ST3GAL3: variants seen among roughly 807,000 people sequenced by gnomAD.
ST3GAL3 encodes CMP-N-acetylneuraminate-beta-1,4-galactoside alpha-2,3-sialyltransferase.
A neutral mutation model predicts 50.1 loss-of-function variants in ST3GAL3; 21 were observed. The observed-to-expected ratio is 0.42, with a 90% CI of 0.30 to 0.60. The LOEUF is 0.60. Ranked by LOEUF, ST3GAL3 falls within the 20% of genes least tolerant of loss-of-function variation. ST3GAL3 has a pLI of 0.19. For missense variants in ST3GAL3, 353 were observed against 489.4 expected, an observed-to-expected ratio of 0.72 and a Z score of 2.63; for synonymous variants, 183 against 190.0, an observed-to-expected ratio of 0.96 and a Z score of 0.30.
At chr1:43,803,518 A>G (rs1196576196) in intron 3 of ST3GAL3, among the ~76,000 whole-genome samples, 1 of 152,208 alleles carries the variant, frequency 6.6e-6, no homozygotes, top group African/African-American at 2.4e-5. Context: ...GTGGTTTATG[A>G]TGGTAGACCA....
intron 4 of ST3GAL3, among the ~76,000 whole-genome samples, chr1:43,832,658 C>T (rs1285029771): frequency 6.6e-6 from 1 of 152,054 alleles, no homozygotes; most frequent in Non-Finnish European, 1.5e-5. Context: ...TAAGGAGAAA[C>T]ATTTCCATCT....
intron 4 of ST3GAL3, among the ~76,000 whole-genome samples, chr1:43,826,971 T>C (rs1220707463): frequency 6.6e-6 from 1 of 152,184 alleles, no homozygotes; most frequent in Non-Finnish European, 1.5e-5. Flanking sequence ...AAAAAACCTA[T>C]AGCTAACATC....
intron 1 of ST3GAL3, among the ~76,000 whole-genome samples, chr1:43,726,396 C>T (rs920982760): frequency 2.6e-5 from 4 of 151,338 alleles, no homozygotes; most frequent in African/African-American, 9.7e-5. Flanking sequence ...AAGTAATCCT[C>T]CCTCCTCAGC....
At chr1:43,723,850 G>C (rs922014825) in intron 1 of ST3GAL3, among the ~76,000 whole-genome samples, 6 of 152,090 alleles carry the variant, frequency 3.9e-5, no homozygotes, top group African/African-American at 1.4e-4. Context: ...GACCTCAGGT[G>C]ATCTGCCCGC....
At chr1:43,827,544 C>G (rs1174952909) in intron 4 of ST3GAL3, among the ~76,000 whole-genome samples, 1 of 151,964 alleles carries the variant, frequency 6.6e-6, no homozygotes, top group Non-Finnish European at 1.5e-5. Flanking sequence ...ACAGGGTTGC[C>G]CAGGCTGGAG....
Position 43,930,160 on chromosome 1 carries a change from A to G in ST3GAL3, c.1067A>G (p.Lys356Arg), listed in dbSNP as rs2084827471. The G allele has an allele frequency of 1.2e-6, 2 of 1,614,082 alleles. No homozygotes were observed. Among genetic ancestry groups the G allele is most frequent in the South Asian group, 1.1e-5 (1 of 91,080 alleles). ...TGGACGCACAATATCCAGCGAGAGAAAGAGTTTCTGCGGAAGCTGGTGAAA... is the reference window on the plus strand; with the variant it reads ...TGGACGCACAATATCCAGCGAGAGAGAGAGTTTCTGCGGAAGCTGGTGAAA... ...ESWTHNIQRE[K>R]EFLRKLVKAR... Residue 356 changes from lysine (K) to arginine (R), a missense_variant, in exon 12 of 12, where the codon AAA becomes AGA. Lys to Arg is a conservative substitution (Grantham distance 26). Transcript: ENST00000347631.
intron 5 of ST3GAL3, chr1:43,878,921 C>T: frequency 9.4e-6 from 4 of 427,280 alleles, no homozygotes; most frequent in Non-Finnish European, 1.9e-5. Flanking sequence ...ATGGGCAGCT[C>T]CTGTTCACAT....
intron 5 of ST3GAL3, among the ~76,000 whole-genome samples, chr1:43,847,790 A>G (rs2154209705): frequency 6.6e-6 from 1 of 152,342 alleles, no homozygotes; most frequent in East Asian, 1.9e-4. Flanking sequence ...ATGTTAGTGT[A>G]TTTTACTACA....
chr1:43,804,816 G>T (rs1254717397), intron 3 of ST3GAL3, among the ~76,000 whole-genome samples: 1 of 152,150 alleles, frequency 6.6e-6, no homozygotes, highest in African/African-American at 2.4e-5. Context: ...GCAGGCGAGG[G>T]AGAAGGAGAG....
intron 9 of ST3GAL3, chr1:43,912,168 A>T (rs565393858): frequency 6.6e-6 from 1 of 152,196 alleles, no homozygotes; most frequent in African/African-American, 2.4e-5. Context: ...TTAAAAGCCA[A>T]AGTCTCATCA....
At chr1:43,863,120 A>T (rs1301815046) in intron 5 of ST3GAL3, among the ~76,000 whole-genome samples, 1 of 152,214 alleles carries the variant, frequency 6.6e-6, no homozygotes, top group Non-Finnish European at 1.5e-5. Context: ...TAAAAAACGC[A>T]GGCATGGTCC....
Position 43,761,426 on chromosome 1 carries a change from T to C in ST3GAL3, c.118+25046T>C, listed in dbSNP as rs970376783. Among the ~76,000 whole-genome samples, 17 of 152,210 alleles carry C rather than the reference T, an allele frequency of 1.1e-4. No individual in the cohort carries two copies. The East Asian group carries it at 3.3e-3, about 29-fold the overall frequency. ...TCGTGTAAAGAAATGTCTTTGTGTT[T>C]TATAATGTCCAGAAGGATGTATTTA... On this transcript the variant is annotated intron_variant, in intron 2 of 11. Transcript: ENST00000347631.
At chr1:43,864,249 G>C (rs1024945347) in intron 5 of ST3GAL3, among the ~76,000 whole-genome samples, 7 of 152,210 alleles carry the variant, frequency 4.6e-5, no homozygotes, top group African/African-American at 1.7e-4. Flanking sequence ...TTGCACTCCA[G>C]CCTGGGCAAC....
intron 5 of ST3GAL3, among the ~76,000 whole-genome samples, chr1:43,853,044 T>G (rs2067638812): frequency 6.6e-6 from 1 of 152,228 alleles, no homozygotes; most frequent in Non-Finnish European, 1.5e-5. Flanking sequence ...AAACCTAAAT[T>G]GACACATAAT....
At chr1:43,715,978 C>T (rs2154065052) in intron 1 of ST3GAL3, among the ~76,000 whole-genome samples, 1 of 152,220 alleles carries the variant, frequency 6.6e-6, no homozygotes, top group East Asian at 1.9e-4. Flanking sequence ...TCTTGGGGAC[C>T]CTTGAGGGTC....
chr1:43,890,213 T>A (rs992570661), intron 5 of ST3GAL3, among the ~76,000 whole-genome samples: 4 of 152,334 alleles, frequency 2.6e-5, no homozygotes, highest in East Asian at 1.9e-4. Flanking sequence ...CTTTTAGAAA[T>A]TAATGCTGAA....
intron 4 of ST3GAL3, among the ~76,000 whole-genome samples, chr1:43,822,078 G>T (rs1221669928): frequency 6.6e-6 from 1 of 152,212 alleles, no homozygotes; most frequent in Non-Finnish European, 1.5e-5. Flanking sequence ...GACAGTCAAA[G>T]TAGAATTCAT....
chr1:43,930,068 G>A (rs568435696), intron 11 of ST3GAL3, 64 bp from the exon 12 acceptor site: 52 of 1,427,884 alleles, frequency 3.6e-5, no homozygotes, highest in Non-Finnish European at 5.1e-5. Flanking sequence ...AAGGCACCGA[G>A]CCCTGGAAGG....
rs2084833168 is a variant in ST3GAL3 at position 43,930,186 on chromosome 1, G to A, written c.1093G>A (p.Ala365Thr). Residue 365 changes from alanine (A) to threonine (T), a missense_variant, in exon 12 of 12, where the codon GCT (alanine) becomes ACT (threonine). Ala to Thr is a moderately conservative substitution (Grantham distance 58). Coordinates refer to ENST00000347631, the MANE Select transcript of ST3GAL3 (RefSeq NM_006279.5). Reference sequence around the variant, plus strand: ...AGAGTTTCTGCGGAAGCTGGTGAAAGCTCGCGTCATCACTGATCTAAGCAG... The same window carrying A: ...AGAGTTTCTGCGGAAGCTGGTGAAAACTCGCGTCATCACTGATCTAAGCAG... Reference protein sequence around the residue: ...EKEFLRKLVKARVITDLSSGI With the variant: ...EKEFLRKLVKTRVITDLSSGI 1 of 1,614,062 alleles carries A rather than the reference G, an allele frequency of 6.2e-7. No individual in the cohort carries two copies. The highest frequency in any genetic ancestry group is 1.3e-5 in the African/African-American group (1 of 75,058).
Sources: gnomAD v4.1 joint callset for allele counts (sites outside exome capture counted in the v4.1 genomes callset) on GRCh38, gnomAD v4.1.1 for gene constraint, MANE v1.5 for transcripts, NCBI Gene and HGNC (gene_info 2026-07-23, HGNC 2026-07-21) for gene names.